FAM227B: variants seen among roughly 807,000 people sequenced by gnomAD.
FAM227B encodes the protein protein FAM227B.
In FAM227B, 88 loss-of-function variants were observed where a neutral mutation model predicts 73.8. That is an observed-to-expected ratio of 1.19 (90% CI 1.00 to 1.42). The LOEUF is 1.42. Among genes scored for constraint, FAM227B ranks in the 40% most tolerant of loss-of-function variants. The pLI, the probability that FAM227B is intolerant of heterozygous loss-of-function variation, is 0.00. For missense variants in FAM227B, 632 were observed against 590.9 expected, an observed-to-expected ratio of 1.07 and a Z score of -0.72; for synonymous variants, 210 against 190.5, an observed-to-expected ratio of 1.10 and a Z score of -0.84.
rs199935044 is a variant in FAM227B at position 49,589,656 on chromosome 15, T to C, written c.337+120A>G. The C allele has an allele frequency of 6.0e-6, 4 of 665,672 alleles. No individual in the cohort carries two copies. The East Asian group carries it at 8.3e-5, about 14-fold the overall frequency. The allele number at this position is 665,672 out of a possible 1,614,324, so 41.2% of individuals were successfully genotyped here. On this transcript the variant is annotated intron_variant, in intron 4 of 15. Coordinates refer to ENST00000299338, the MANE Select transcript of FAM227B (RefSeq NM_152647.3). The stretch of plus-strand genomic sequence containing the variant: ...GGCCAGGTGCACTGGCTTATGCCTG[T>C]AATTCCAACACTTTTGGAGGGTGAC...
At position 49,327,961 on chromosome 15, in the gene FAM227B, G is replaced by A. The variant is rs1261910420; in HGVS notation, c.*607C>T. On this transcript the variant is annotated 3_prime_UTR_variant, in exon 16 of 16. Transcript: ENST00000299338. ...TTCCTCACTGTTTTAGGAAGTTTGG[G>A]GCTCAAGGGTCACGACTTACTGGAG... 3.1e-6 allele frequency: 5 copies of A among 1,608,318 alleles called. No individual in the cohort carries two copies. Among genetic ancestry groups the A allele is most frequent in the Admixed American group, 1.7e-5 (1 of 59,508 alleles).
At chr15:49,342,727 C>A (rs1289793423) in intron 13 of FAM227B, among the ~76,000 whole-genome samples, 1 of 152,090 alleles carries the variant, frequency 6.6e-6, no homozygotes, top group African/African-American at 2.4e-5. Context: ...GGTCTAGTGG[C>A]AATGAATTCC....
chr15:49,494,256 A>ACACACACACACACACAC (rs1467706350), intron 11 of FAM227B, among the ~76,000 whole-genome samples: 5 of 140,714 alleles, frequency 3.6e-5, no homozygotes, highest in African/African-American at 1.0e-4. Flanking sequence ...GAGACACACA[A>ACACACACACACACACAC]ACACACACAC....
intron 11 of FAM227B, among the ~76,000 whole-genome samples, chr15:49,497,805 G>GAATT (rs2152077980): frequency 6.6e-6 from 1 of 152,290 alleles, no homozygotes; most frequent in South Asian, 2.1e-4. Flanking sequence ...TCTCAATGGA[G>GAATT]GCTGTGTTTC....
intron 11 of FAM227B, among the ~76,000 whole-genome samples, chr15:49,477,777 A>C (rs1044536501): frequency 2.0e-5 from 3 of 152,178 alleles, no homozygotes; most frequent in African/African-American, 7.2e-5. Context: ...TGACTGCACC[A>C]TTTTGCATTC....
At chr15:49,593,955 A>G (rs1005119446) in intron 3 of FAM227B, among the ~76,000 whole-genome samples, 1 of 152,172 alleles carries the variant, frequency 6.6e-6, no homozygotes, top group African/African-American at 2.4e-5. Flanking sequence ...TAATAGTGGG[A>G]TTACTGGATC....
chr15:49,612,095 A>ATT (rs995709626), intron 2 of FAM227B, among the ~76,000 whole-genome samples: 1 of 143,454 alleles, frequency 7.0e-6, no homozygotes. Flanking sequence ...TGGAGAGGCT[A>ATT]TTTTTTTTTA....
intron 11 of FAM227B, among the ~76,000 whole-genome samples, chr15:49,394,944 T>C (rs991117711): frequency 2.6e-5 from 4 of 152,152 alleles, no homozygotes; most frequent in African/African-American, 9.7e-5. Context: ...AACTTACAAA[T>C]GTTCTCCTAA....
At chr15:49,484,378 A>G in intron 11 of FAM227B, 2 of 1,594,982 alleles carry the variant, frequency 1.3e-6, no homozygotes, top group Non-Finnish European at 1.7e-6. Context: ...CATATGCATC[A>G]GCTAAATGGA....
In FAM227B at chr15:49,499,138, C is replaced by T. The variant is rs560241453; in HGVS notation, c.1012+9073G>A. On this transcript the variant is annotated intron_variant, in intron 11 of 15. Transcript: ENST00000299338. ...CCGAGATCCCGCCACTGCACTCCAG[C>T]CTGGGCGACAGAGCGAGACTCCGTC... 9.5e-5 allele frequency among the ~76,000 whole-genome samples: 12 copies of T among 126,142 alleles called. 1 individual carries two copies. The South Asian group carries it at 3.0e-3, about 32-fold the overall frequency. 82.8% of individuals were successfully genotyped at this position (126,142 alleles called of 152,430 possible).
intron 11 of FAM227B, among the ~76,000 whole-genome samples, chr15:49,496,250 G>A (rs2057596706): frequency 6.6e-6 from 1 of 152,048 alleles, no homozygotes; most frequent in South Asian, 2.1e-4. Context: ...AAAAGTACAT[G>A]ATAGTTAAAT....
intron 6 of FAM227B, 79 bp from the exon 7 acceptor site, chr15:49,576,924 C>A: frequency 2.8e-6 from 2 of 712,632 alleles, no homozygotes; most frequent in Non-Finnish European, 2.4e-6. Context: ...TACAGAAGAC[C>A]AACATTTAAC....
intron 3 of FAM227B, among the ~76,000 whole-genome samples, chr15:49,602,897 G>T (rs2077293789): frequency 6.6e-6 from 1 of 152,156 alleles, no homozygotes; most frequent in African/African-American, 2.4e-5. Context: ...ATTTATTGAA[G>T]AAACTGTCCT....
chr15:49,593,543 C>T (rs1371960121), intron 3 of FAM227B, among the ~76,000 whole-genome samples: 4 of 151,998 alleles, frequency 2.6e-5, no homozygotes, highest in South Asian at 2.1e-4. Flanking sequence ...ACCTATCACC[C>T]GAGCAGTATA....
At chr15:49,513,305 T>C (rs752642737) in intron 10 of FAM227B, among the ~76,000 whole-genome samples, 9 of 152,216 alleles carry the variant, frequency 5.9e-5, no homozygotes, top group Non-Finnish European at 1.2e-4. Context: ...TTCTGACTGG[T>C]GTGAGATGGT....
At chr15:49,519,155 T>G (rs1317267109) in intron 10 of FAM227B, among the ~76,000 whole-genome samples, 1 of 152,252 alleles carries the variant, frequency 6.6e-6, no homozygotes, top group East Asian at 1.9e-4. Context: ...TACATCATGC[T>G]GATGCAAGAG....
intron 10 of FAM227B, among the ~76,000 whole-genome samples, chr15:49,533,320 T>C (rs1046205101): frequency 3.3e-5 from 5 of 151,976 alleles, no homozygotes; most frequent in African/African-American, 1.2e-4. Context: ...AAATGTTTTG[T>C]GTGCATGTGA....
chr15:49,335,553 A>G, intron 13 of FAM227B, 57 bp from the exon 14 acceptor site: 1 of 1,331,650 alleles, frequency 7.5e-7, no homozygotes, highest in Non-Finnish European at 1.1e-6. Flanking sequence ...GGAAGTAAAC[A>G]GTACCCTTCA....
At chr15:49,397,122 T>C (rs1054421675) in intron 11 of FAM227B, among the ~76,000 whole-genome samples, 16 of 152,156 alleles carry the variant, frequency 1.1e-4, no homozygotes, top group African/African-American at 3.9e-4. Context: ...GAATGTATAA[T>C]TAGAATAACG....
Sources: allele counts gnomAD v4.1 joint callset (sites outside exome capture counted in the v4.1 genomes callset), GRCh38; gene constraint gnomAD v4.1.1; transcripts MANE v1.5; gene names NCBI Gene and HGNC (gene_info 2026-07-23, HGNC 2026-07-21).